Variants in DTNA observed in about 807,000 individuals in gnomAD.
DTNA encodes dystrophin-related protein 3.
A neutral mutation model predicts 100.7 loss-of-function variants in DTNA; 43 were observed. That is an observed-to-expected ratio of 0.43 (90% CI 0.33 to 0.55). DTNA has a LOEUF of 0.55. Among genes scored for constraint, DTNA ranks in the 20% least tolerant of loss-of-function variants. The pLI is 0.04. For synonymous variants in DTNA, 349 were observed against 347.9 expected (o/e 1.00, Z -0.04); for missense variants, 798 against 953.9 (o/e 0.84, Z 2.15).
At chr18:34,565,920 CAT>C (rs1242635276) in intron 1 of DTNA, among the ~76,000 whole-genome samples, 1 of 152,162 alleles carries the variant, frequency 6.6e-6, no homozygotes, top group Non-Finnish European at 1.5e-5. Context: ...AGGGAAAACA[CAT>C]AGTGAGGTAT....
chr18:34,559,726 G>A (rs978122555), intron 1 of DTNA, among the ~76,000 whole-genome samples: 4 of 152,162 alleles, frequency 2.6e-5, no homozygotes, highest in Non-Finnish European at 4.4e-5. Context: ...CCTGAAATCA[G>A]AACTAAGGAA....
intron 1 of DTNA, among the ~76,000 whole-genome samples, chr18:34,511,290 T>C (rs1396366305): frequency 6.6e-6 from 1 of 152,126 alleles, no homozygotes; most frequent in Non-Finnish European, 1.5e-5. Flanking sequence ...CCATCTGTTA[T>C]GAACAATTTT....
At chr18:34,883,931 G>T (rs1291965949) in intron 21 of DTNA, among the ~76,000 whole-genome samples, 1 of 152,190 alleles carries the variant, frequency 6.6e-6, no homozygotes. Flanking sequence ...TATATGTAGA[G>T]CCGTGCTCCC....
In DTNA at chr18:34,815,753, AC is replaced by A. The variant is rs2095582557; in HGVS notation, c.604-155del. On this transcript the variant is annotated intron_variant, in intron 6 of 22. Coordinates refer to ENST00000444659, the MANE Select transcript of DTNA (RefSeq NM_001386795.1). ...AAGCAAACGATGTTTTCAGTTCTAA[AC>A]TAGTTTAATAACACATTTGGCAAGT... 6 of 686,508 alleles carry A rather than the reference AC, an allele frequency of 8.7e-6. No homozygotes were observed. The South Asian group carries it at 1.0e-4, about 12-fold the overall frequency. The allele number at this position is 686,508 out of a possible 1,614,324, so 42.5% of individuals were successfully genotyped here.
chr18:34,644,674 A>C (rs982517157), intron 1 of DTNA, among the ~76,000 whole-genome samples: 4 of 152,108 alleles, frequency 2.6e-5, no homozygotes, highest in Non-Finnish European at 5.9e-5. Context: ...GGCTTAAAAA[A>C]TTTTTTGAGC....
In DTNA at chr18:34,804,075, A is replaced by G. The variant is rs541411506; in HGVS notation, c.363-2144A>G. On this transcript the variant is annotated intron_variant, in intron 4 of 22. Transcript: ENST00000444659. Reference sequence around the variant, plus strand: ...TTGTGACAGATGCCACATAATAAGTAAAAAGTGAAGGGCAGAGTGATTTCC... The same window carrying G: ...TTGTGACAGATGCCACATAATAAGTGAAAAGTGAAGGGCAGAGTGATTTCC... 6.6e-5 allele frequency among the ~76,000 whole-genome samples: 10 copies of G among 152,304 alleles called. No homozygotes were observed. The East Asian group carries it at 1.9e-3, about 29-fold the overall frequency.
chr18:34,745,345 A>G (rs2091392266), intron 1 of DTNA, among the ~76,000 whole-genome samples: 1 of 152,180 alleles, frequency 6.6e-6, no homozygotes, highest in Non-Finnish European at 1.5e-5. Context: ...CAATTTCAGA[A>G]GCCCAGATCA....
At chr18:34,662,567 CAT>C (rs530875908) in intron 1 of DTNA, among the ~76,000 whole-genome samples, 194 of 152,270 alleles carry the variant, frequency 1.3e-3, no homozygotes, top group Non-Finnish European at 2.0e-3. Flanking sequence ...GCAGGAAAAA[CAT>C]ATCTGCATGT....
chr18:34,858,434 A>T (rs944915034), intron 16 of DTNA, 36 bp downstream of exon 16: 4 of 1,599,140 alleles, frequency 2.5e-6, no homozygotes, highest in Middle Eastern at 1.6e-4. Flanking sequence ...CAGGGAATAT[A>T]TATGTGTCAG....
chr18:34,760,198 C>T lies in DTNA; in HGVS notation c.67+4155C>T, dbSNP rs1371325950. On this transcript the variant is annotated intron_variant, in intron 2 of 22. Coordinates refer to ENST00000444659, the MANE Select transcript of DTNA (RefSeq NM_001386795.1). Reference sequence around the variant, plus strand: ...TGTTTTCACTTGCTTCTTCATTTCTCATGCTCCTCAGTCTTTTTAAGATAT... The same window carrying T: ...TGTTTTCACTTGCTTCTTCATTTCTTATGCTCCTCAGTCTTTTTAAGATAT... The T allele has an allele frequency of 2.0e-5, 3 of 152,184 alleles. No individual in the cohort carries two copies. The East Asian group carries it at 5.8e-4, about 29-fold the overall frequency. 9.4% of individuals were successfully genotyped at this position (152,184 alleles called of 1,614,324 possible).
At chr18:34,779,672 C>A (rs1368621546) in intron 3 of DTNA, among the ~76,000 whole-genome samples, 1 of 152,158 alleles carries the variant, frequency 6.6e-6, no homozygotes, top group Non-Finnish European at 1.5e-5. Context: ...AAGCCCCCTC[C>A]CCCAATAATA....
At chr18:34,775,402 C>T (rs764697976) in intron 3 of DTNA, among the ~76,000 whole-genome samples, 9 of 152,132 alleles carry the variant, frequency 5.9e-5, no homozygotes, top group South Asian at 4.1e-4. Context: ...AGGAGAATGG[C>T]GTGAACCTGG....
At chr18:34,768,844 A>G (rs375344189) in intron 3 of DTNA, among the ~76,000 whole-genome samples, 7 of 152,312 alleles carry the variant, frequency 4.6e-5, no homozygotes, top group African/African-American at 1.4e-4. Flanking sequence ...AATCTAACTG[A>G]GAATATGGGC....
At chr18:34,512,924 T>C (rs1183533589) in intron 1 of DTNA, among the ~76,000 whole-genome samples, 3 of 152,034 alleles carry the variant, frequency 2.0e-5, no homozygotes, top group African/African-American at 4.8e-5. Context: ...AGCAAACCAG[T>C]ATAGAAGAAT....
At chr18:34,599,099 A>C (rs1383344807) in intron 1 of DTNA, among the ~76,000 whole-genome samples, 1 of 152,182 alleles carries the variant, frequency 6.6e-6, no homozygotes, top group African/African-American at 2.4e-5. Flanking sequence ...CCAACTTCTG[A>C]GATTTAGATA....
chr18:34,859,614 A>G (rs916858496), intron 16 of DTNA, among the ~76,000 whole-genome samples: 2 of 152,198 alleles, frequency 1.3e-5, no homozygotes, highest in African/African-American at 4.8e-5. Flanking sequence ...GCCTCACCAT[A>G]CAAAGGGAGT....
chr18:34,847,984 A>G (rs1019009881), intron 13 of DTNA, among the ~76,000 whole-genome samples: 2 of 152,208 alleles, frequency 1.3e-5, no homozygotes, highest in African/African-American at 4.8e-5. Flanking sequence ...GGAAAGAAAA[A>G]ATGTTAAAGG....
At chr18:34,595,413 T>C (rs1273646124) in intron 1 of DTNA, among the ~76,000 whole-genome samples, 2 of 152,344 alleles carry the variant, frequency 1.3e-5, no homozygotes, top group East Asian at 3.9e-4. Flanking sequence ...ACACAAAATG[T>C]AAAATTCTAA....
intron 1 of DTNA, among the ~76,000 whole-genome samples, chr18:34,584,399 T>C (rs1013159398): frequency 6.6e-6 from 1 of 152,012 alleles, no homozygotes; most frequent in African/African-American, 2.4e-5. Flanking sequence ...GTATTATAGA[T>C]AGTAAAAAAG....
Sources: allele counts gnomAD v4.1 joint callset (sites outside exome capture counted in the v4.1 genomes callset), GRCh38; gene constraint gnomAD v4.1.1; transcripts MANE v1.5; gene names NCBI Gene and HGNC (gene_info 2026-07-23, HGNC 2026-07-21).